The following PDE1A variants were observed in gnomAD, a reference collection of about 807,000 sequenced individuals.
The protein encoded by PDE1A is phosphodiesterase 1A.
In PDE1A, 35 loss-of-function variants were observed where a neutral mutation model predicts 61.7. The observed-to-expected ratio is 0.57, with a 90% CI of 0.43 to 0.75. The LOEUF is 0.75. Ranked by LOEUF, PDE1A falls within the 30% of genes least tolerant of loss-of-function variation. The pLI, the probability that PDE1A is intolerant of heterozygous loss-of-function variation, is 0.00. For synonymous variants in PDE1A, 232 were observed against 213.2 expected (o/e 1.09, Z -0.77); for missense variants, 597 against 630.6 (o/e 0.95, Z 0.57).
At chr2:182,148,468 T>C (rs1005304043) in intron 13 of PDE1A, among the ~76,000 whole-genome samples, 15 of 152,198 alleles carry the variant, frequency 9.9e-5, no homozygotes, top group Admixed American at 6.5e-5. Flanking sequence ...AGCACAGTCA[T>C]GGGCTCTTAA....
chr2:182,569,547 T>A, the PDE1A span, among the ~76,000 whole-genome samples: 1 of 152,232 alleles, frequency 6.6e-6, no homozygotes, highest in East Asian at 1.9e-4. Flanking sequence ...GCAAACTTCC[T>A]CTCTTTAACG....
At chr2:182,528,564 G>T in the PDE1A span, among the ~76,000 whole-genome samples, 1 of 152,334 alleles carries the variant, frequency 6.6e-6, no homozygotes, top group Admixed American at 6.5e-5. Flanking sequence ...GCCGGCTACA[G>T]AAATTTGCAT....
the PDE1A span, among the ~76,000 whole-genome samples, chr2:182,585,628 T>C: frequency 6.6e-6 from 1 of 152,300 alleles, no homozygotes; most frequent in Non-Finnish European, 1.5e-5. Flanking sequence ...GCTTTTCTCC[T>C]GGCAAGAACA....
At chr2:182,222,104 A>G (rs1688780396) in intron 7 of PDE1A, among the ~76,000 whole-genome samples, 1 of 152,040 alleles carries the variant, frequency 6.6e-6, no homozygotes. Flanking sequence ...GTATGCTTAT[A>G]TCAGTATTAT....
At chr2:182,190,351 G>A (rs1430423265) in intron 10 of PDE1A, among the ~76,000 whole-genome samples, 3 of 152,148 alleles carry the variant, frequency 2.0e-5, no homozygotes, top group Non-Finnish European at 4.4e-5. Context: ...ATTTCCATTT[G>A]AAATTGTGAT....
chr2:182,704,047 CAA>C, the PDE1A span, among the ~76,000 whole-genome samples: 95 of 143,128 alleles, frequency 6.6e-4, no homozygotes, highest in South Asian at 1.8e-3. Flanking sequence ...CTAAAAATTA[CAA>C]AAAAAAAAAA....
chr2:182,199,611 T>C (rs1370973159), intron 10 of PDE1A, among the ~76,000 whole-genome samples: 1 of 152,156 alleles, frequency 6.6e-6, no homozygotes, highest in East Asian at 1.9e-4. Context: ...CACAGGGCTA[T>C]ACAGAAAGAT....
intron 1 of PDE1A, among the ~76,000 whole-genome samples, chr2:182,326,123 T>A (rs1241010624): frequency 2.6e-5 from 4 of 151,610 alleles, no homozygotes; most frequent in African/African-American, 9.7e-5. Context: ...ATATATATAT[T>A]TTTTAAAAAG....
In PDE1A at chr2:182,375,577, C is replaced by T. The variant is rs540344702; in HGVS notation, c.53+51001G>A. Among the ~76,000 whole-genome samples, 8 of 152,342 alleles carry T rather than the reference C, an allele frequency of 5.3e-5. No individual in the cohort carries two copies. The East Asian group carries it at 1.5e-3, about 29-fold the overall frequency. On this transcript the variant is annotated intron_variant, in intron 1 of 13. Transcript: ENST00000351439. ...TCTGCCTCCCAGCTGCTTTCATGGG[C>T]TGGCATTGAGTGTCTGTGGCTTTTC...
At chr2:182,486,018 C>A (rs1458145442) in intron 2 of PDE1A, among the ~76,000 whole-genome samples, 1 of 151,826 alleles carries the variant, frequency 6.6e-6, no homozygotes, top group Non-Finnish European at 1.5e-5. Flanking sequence ...AAGTAAAACT[C>A]TATTCACAGA....
At chr2:182,368,262 A>G (rs1012319899) in intron 1 of PDE1A, among the ~76,000 whole-genome samples, 3 of 152,088 alleles carry the variant, frequency 2.0e-5, no homozygotes, top group Non-Finnish European at 4.4e-5. Flanking sequence ...ATCATCAAAT[A>G]TGGAGTTCAT....
the PDE1A span, among the ~76,000 whole-genome samples, chr2:182,649,992 T>C: frequency 6.6e-6 from 1 of 152,032 alleles, no homozygotes; most frequent in African/African-American, 2.4e-5. Context: ...GATAAGAGGA[T>C]CACTTGAGCC....
chr2:182,329,877 C>T (rs1356714916), intron 1 of PDE1A, among the ~76,000 whole-genome samples: 1 of 152,164 alleles, frequency 6.6e-6, no homozygotes, highest in African/African-American at 2.4e-5. Context: ...ACGAAAGTTC[C>T]ATGAAAGCGG....
the PDE1A span, among the ~76,000 whole-genome samples, chr2:182,531,942 ATGT>A: frequency 1.7e-4 from 26 of 152,148 alleles, no homozygotes; most frequent in African/African-American, 6.0e-4. Flanking sequence ...GAGTGAGAAC[ATGT>A]TGTATTTGGT....
chr2:182,493,941 T>A (rs1258934453), intron 2 of PDE1A, among the ~76,000 whole-genome samples: 1 of 152,226 alleles, frequency 6.6e-6, no homozygotes, highest in African/African-American at 2.4e-5. Flanking sequence ...AGCCCAGGCA[T>A]GGACTGTATT....
At chr2:182,592,647 A>G in the PDE1A span, among the ~76,000 whole-genome samples, 1 of 152,214 alleles carries the variant, frequency 6.6e-6, no homozygotes, top group Non-Finnish European at 1.5e-5. Flanking sequence ...AGGAAAAAAA[A>G]TAAGGACAGG....
chr2:182,249,940 C>T (rs1691276328), intron 2 of PDE1A, among the ~76,000 whole-genome samples: 1 of 152,116 alleles, frequency 6.6e-6, no homozygotes, highest in Non-Finnish European at 1.5e-5. Context: ...ATTATTGATA[C>T]TTCTATTTTA....
At chr2:182,631,442 C>T in the PDE1A span, among the ~76,000 whole-genome samples, 1 of 152,312 alleles carries the variant, frequency 6.6e-6, no homozygotes, top group East Asian at 1.9e-4. Context: ...TAATCAGGCT[C>T]TCAATGGATT....
At chr2:182,501,442 A>T (rs997192531) in intron 2 of PDE1A, among the ~76,000 whole-genome samples, 1 of 152,178 alleles carries the variant, frequency 6.6e-6, no homozygotes, top group Non-Finnish European at 1.5e-5. Context: ...TAAAAATTAG[A>T]TCTGCCTGCT....
Sources: allele counts gnomAD v4.1 joint callset (sites outside exome capture counted in the v4.1 genomes callset), GRCh38; gene constraint gnomAD v4.1.1; transcripts MANE v1.5; gene names NCBI Gene and HGNC (gene_info 2026-07-23, HGNC 2026-07-21).